Variants in STARD9 observed in about 807,000 individuals in gnomAD.
STARD9 encodes StAR related lipid transfer domain containing 9.
In STARD9, 346 loss-of-function variants were observed where a neutral mutation model predicts 399.8. That is an observed-to-expected ratio of 0.87 (90% confidence interval 0.79 to 0.95). STARD9 has a LOEUF of 0.95. Among genes scored for constraint, STARD9 ranks in the 40% least tolerant of loss-of-function variants. The probability of loss-of-function intolerance (pLI) is 0.00; values close to 1 mark genes in which losing one functional copy is unlikely to be tolerated. For synonymous variants in STARD9, 2,203 were observed against 2,143.5 expected (o/e 1.03, Z -0.77); for missense variants, 5,832 against 5,667.5 (o/e 1.03, Z -0.93).
At chr15:42,713,756 G>C (rs558081449) in intron 26 of STARD9, among the ~76,000 whole-genome samples, 209 of 152,230 alleles carry the variant, frequency 1.4e-3, no homozygotes, top group South Asian at 9.5e-3. Context: ...CGTGATATAT[G>C]ATCTTTTATG....
At chr15:42,647,571 G>T (rs950661498) in intron 7 of STARD9, among the ~76,000 whole-genome samples, 2 of 151,934 alleles carry the variant, frequency 1.3e-5, no homozygotes, top group Admixed American at 1.3e-4. Flanking sequence ...TTGTGTTATT[G>T]TTTGTATTTT....
At chr15:42,643,591 A>C (rs566949602) in intron 7 of STARD9, among the ~76,000 whole-genome samples, 1 of 151,098 alleles carries the variant, frequency 6.6e-6, no homozygotes, top group Non-Finnish European at 1.5e-5. Flanking sequence ...CCCGGGTTCA[A>C]GCGATTCTCC....
In STARD9 at chr15:42,594,889, C is replaced by T. The variant is rs1454457245; in HGVS notation, c.234+9252C>T. The stretch of plus-strand genomic sequence containing the variant: ...TAGTAGTATGGGGAAGTATTCCATA[C>T]CTGTTGTTATGCGTTCTCTAATGTG... On this transcript the variant is annotated intron_variant, in intron 3 of 32. Transcript: ENST00000290607. 2.6e-5 allele frequency among the ~76,000 whole-genome samples: 4 copies of T among 152,110 alleles called. No individual in the cohort carries two copies. In the South Asian group the frequency reaches 6.2e-4, roughly 24 times the overall value.
intron 26 of STARD9, among the ~76,000 whole-genome samples, chr15:42,704,056 T>G (rs1420894454): frequency 6.6e-6 from 1 of 152,036 alleles, no homozygotes; most frequent in Non-Finnish European, 1.5e-5. Context: ...TACAGGCACC[T>G]GACACAGCGC....
At chr15:42,698,613 T>C (rs886223714) in intron 26 of STARD9, among the ~76,000 whole-genome samples, 1 of 152,214 alleles carries the variant, frequency 6.6e-6, no homozygotes, top group African/African-American at 2.4e-5. Context: ...CTTTTGACTT[T>C]GCTTATTTTG....
intron 8 of STARD9, 89 bp from the exon 9 acceptor site, chr15:42,652,431 A>G (rs2059780964): frequency 9.3e-7 from 1 of 1,073,862 alleles, no homozygotes; most frequent in Non-Finnish European, 1.4e-6. Flanking sequence ...GAACCTCAGC[A>G]CTAACATTTC....
chr15:42,675,191 T>C (rs1228571891), intron 18 of STARD9, among the ~76,000 whole-genome samples: 1 of 152,214 alleles, frequency 6.6e-6, no homozygotes, highest in Non-Finnish European at 1.5e-5. Flanking sequence ...GTTAATTAGC[T>C]CTGTCTCCCT....
chr15:42,694,072 C>T lies in STARD9; in HGVS notation c.12494C>T (p.Ala4165Val), dbSNP rs1264213460. 7.8e-6 allele frequency: 12 copies of T among 1,536,828 alleles called. No individual in the cohort carries two copies. In the South Asian group the frequency reaches 1.1e-4, roughly 14 times the overall value. ...GACATGACTGAGGAGGAGCTGGGGG[C>T]CAGCGGTGATCTCAGCTCTGAAAAG... ...GLDMTEEELG[A>V]SGDLSSEKQE... Residue 4165 changes from alanine (A) to valine (V), a missense_variant, in exon 23 of 33, where the codon GCC becomes GTC. Around this residue, in one of 2 missense-constraint regions of STARD9, gnomAD observed 5,828 missense variants for 5,651.1 expected, o/e 1.03. Coordinates refer to ENST00000290607, the MANE Select transcript of STARD9 (RefSeq NM_020759.3).
At position 42,692,928 on chromosome 15, in the gene STARD9, A is replaced by G. The variant is rs1213762382; in HGVS notation, c.11350A>G (p.Lys3784Glu). ...EEGDVPGVPQ[K>E]REAEETAQKM... ...GGGAGATGTGCCAGGGGTACCTCAG[A>G]AGAGAGAGGCAGAGGAAACAGCACA... Residue 3784 changes from lysine (K) to glutamate (E), a missense_variant, in exon 23 of 33, where the codon AAG becomes GAG. Physicochemically the swap from Lys to Glu is moderately conservative, Grantham distance 56. Transcript: ENST00000290607. 6.5e-7 allele frequency: 1 copy of G among 1,537,266 alleles called. No individual in the cohort carries two copies. Among genetic ancestry groups the G allele is most frequent in the Admixed American group, 2.0e-5 (1 of 51,004 alleles).
chr15:42,653,467 A>G (rs2059804384), intron 9 of STARD9, among the ~76,000 whole-genome samples: 1 of 152,360 alleles, frequency 6.6e-6, no homozygotes, highest in South Asian at 2.1e-4. Context: ...AAAGAGATCC[A>G]CACCTAGACA....
chr15:42,643,429 C>T (rs1210716099), intron 7 of STARD9, among the ~76,000 whole-genome samples: 1 of 152,098 alleles, frequency 6.6e-6, no homozygotes, highest in African/African-American at 2.4e-5. Flanking sequence ...CTCCTGACCT[C>T]AGGTGATCCA....
chr15:42,691,029 G>A lies in STARD9; in HGVS notation c.9451G>A (p.Ala3151Thr), dbSNP rs747329614. The A allele has an allele frequency of 2.1e-5, 32 of 1,537,232 alleles. No homozygotes were observed. The highest frequency in any genetic ancestry group is 2.6e-5 in the Non-Finnish European group (30 of 1,146,900). ...CACCCTGGATTTAAGTGAAGGGTCT[G>A]CTGAGAGCAAGTTGGTGGTAGAGCC... The part of the protein sequence containing the change: ...PHTLDLSEGS[A>T]ESKLVVEPQH... The change falls in exon 23 of 33, where the codon GCT becomes ACT. Residue 3151 changes from alanine (A) to threonine (T), a missense_variant. By Grantham distance (58) the Ala-to-Thr change is moderately conservative. Transcript: ENST00000290607.
In STARD9 at chr15:42,686,793, C is replaced by T; in HGVS notation, c.5215C>T (p.Leu1739=). 1 of 1,537,252 alleles carries T rather than the reference C, an allele frequency of 6.5e-7. No homozygotes were observed. The highest frequency in any genetic ancestry group is 8.7e-7 in the Non-Finnish European group (1 of 1,146,924). Residue 1739 remains leucine (L), a synonymous_variant, in exon 23 of 33, where the codon CTG becomes TTG. Coordinates refer to ENST00000290607, the MANE Select transcript of STARD9 (RefSeq NM_020759.3). ...TCCCTGGAATCCATTGTCATCTTCC[C>T]TGCAGCCCCCACTCTTGGAAACATT... ...SAPWNPLSSS[L]QPPLLETFYV...
chr15:42,719,745 C>A lies in STARD9; in HGVS notation c.*171C>A, dbSNP rs1351730939. The stretch of plus-strand genomic sequence containing the variant: ...CCCAGGGATGCTAGCAAAGCCCAGT[C>A]AGTACTTGGTCACAGCTGGCACCAG... On this transcript the variant is annotated 3_prime_UTR_variant, in exon 33 of 33. Coordinates refer to ENST00000290607, the MANE Select transcript of STARD9 (RefSeq NM_020759.3). The A allele has an allele frequency of 1.7e-6, 1 of 593,708 alleles. No homozygotes were observed. Among genetic ancestry groups the A allele is most frequent in the Non-Finnish European group, 3.0e-6 (1 of 333,596 alleles). 36.8% of individuals were successfully genotyped at this position (593,708 alleles called of 1,614,324 possible). A position where few individuals can be genotyped will look rare whatever the true frequency, so the allele number is the denominator to read the frequency against.
chr15:42,689,752 C>T lies in STARD9; in HGVS notation c.8174C>T (p.Ser2725Phe), dbSNP rs556850420. Residue 2725 changes from serine to phenylalanine, a missense_variant, in exon 23 of 33, where the codon TCT (serine) becomes TTT (phenylalanine). Coordinates refer to ENST00000290607, the MANE Select transcript of STARD9 (RefSeq NM_020759.3). ...ADPLAPDSPR[S>F]SAPVEEVRRV... The stretch of plus-strand genomic sequence containing the variant: ...CCTTTGGCCCCAGACAGTCCTCGTT[C>T]TTCAGCACCTGTGGAGGAGGTCAGG... The T allele has an allele frequency of 6.5e-7, 1 of 1,537,740 alleles. No individual in the cohort carries two copies. The highest frequency in any genetic ancestry group is 1.4e-5 in the African/African-American group (1 of 73,162).
chr15:42,682,614 A>G (rs2060458791), intron 22 of STARD9, 39 bp downstream of exon 22: 1 of 1,465,896 alleles, frequency 6.8e-7, no homozygotes, highest in African/African-American at 1.4e-5. Context: ...ACTCGGTTAA[A>G]GTTTACAACC....
At chr15:42,712,078 ATAT>A (rs1482957049) in intron 26 of STARD9, among the ~76,000 whole-genome samples, 2 of 43,178 alleles carry the variant, frequency 4.6e-5, no homozygotes, top group African/African-American at 8.0e-4. Flanking sequence ...ATATATATAT[ATAT>A]TATATATATA....
Position 42,686,768 on chromosome 15 carries a change from T to C in STARD9, c.5190T>C (p.Ala1730=), listed in dbSNP as rs914698494. The change falls in exon 23 of 33, where the codon GCT becomes GCC. Residue 1730 remains alanine (A), a synonymous_variant. Transcript: ENST00000290607. The part of the protein sequence containing the change: ...PSGPELYLHS[A]PWNPLSSSLQ... The stretch of plus-strand genomic sequence containing the variant: ...GTCCAGAGCTATACCTTCACTCTGC[T>C]CCCTGGAATCCATTGTCATCTTCCC... 91 of 1,537,276 alleles carry C rather than the reference T, an allele frequency of 5.9e-5. No individual in the cohort carries two copies. Among genetic ancestry groups the C allele is most frequent in the Middle Eastern group, 1.7e-4 (1 of 6,014 alleles).
At chr15:42,707,653 G>T (rs1356785197) in intron 26 of STARD9, among the ~76,000 whole-genome samples, 1 of 151,918 alleles carries the variant, frequency 6.6e-6, no homozygotes, top group East Asian at 1.9e-4. Flanking sequence ...TGTATTTTTA[G>T]TGGAGACGGA....
Sources: allele counts gnomAD v4.1 joint callset (sites outside exome capture counted in the v4.1 genomes callset), GRCh38; gene constraint gnomAD v4.1.1; regional missense constraint gnomAD v4.1.1; transcripts MANE v1.5; gene names NCBI Gene and HGNC (gene_info 2026-07-23, HGNC 2026-07-21).